NRXN3: variants seen among roughly 807,000 people sequenced by gnomAD.
NRXN3 encodes the protein neurexin 3, also known as neurexin III.
A neutral mutation model predicts 137.6 loss-of-function variants in NRXN3; 32 were observed. The ratio of observed to expected loss-of-function variants is 0.23; its 90% CI spans 0.18 to 0.31. NRXN3 has a LOEUF of 0.31. NRXN3 is among the 10% of genes least tolerant of loss of function. The pLI, the probability that NRXN3 is intolerant of heterozygous loss-of-function variation, is 1.00. For synonymous variants in NRXN3, 798 were observed against 784.5 expected (o/e 1.02, Z -0.29); for missense variants, 1,574 against 2,062.5 (o/e 0.76, Z 4.59).
chr14:79,791,310 C>T (rs1368697724), intron 19 of NRXN3: 1 of 151,862 alleles, frequency 6.6e-6, no homozygotes, highest in African/African-American at 2.4e-5. Context: ...TTATGATTGG[C>T]TCTAACTTCC....
Position 78,968,284 on chromosome 14 carries a change from G to C in NRXN3, c.3080G>C (p.Arg1027Pro), listed in dbSNP as rs368490229. 6.2e-7 allele frequency: 1 copy of C among 1,613,978 alleles called. No homozygotes were observed. The highest frequency in any genetic ancestry group is 1.1e-5 in the South Asian group (1 of 91,074). ...GCLASVDLNGRLPDLINDALH... is the reference protein window; with the variant it reads ...GCLASVDLNGPLPDLINDALH... ...CTAGCATCAGTGGACTTGAATGGAC[G>C]CCTGCCAGACCTCATCAATGATGCT... is the stretch of plus-strand genomic sequence containing the variant. Residue 1027 changes from arginine to proline, a missense_variant, in exon 14 of 21, where the codon CGC becomes CCC. Coordinates refer to ENST00000335750, the MANE Select transcript of NRXN3 (RefSeq NM_001330195.2).
chr14:78,414,123 T>A (rs550646134), intron 4 of NRXN3, among the ~76,000 whole-genome samples: 2 of 152,346 alleles, frequency 1.3e-5, no homozygotes, highest in East Asian at 3.9e-4. Context: ...ACCTTTTTCC[T>A]TTATAAATTA....
At chr14:78,778,261 A>G (rs2098751229) in intron 8 of NRXN3, among the ~76,000 whole-genome samples, 1 of 152,172 alleles carries the variant, frequency 6.6e-6, no homozygotes, top group Non-Finnish European at 1.5e-5. Context: ...TCTGCTTCTT[A>G]CATTCTCAAT....
chr14:79,842,219 TA>T (rs1320602332), intron 20 of NRXN3, among the ~76,000 whole-genome samples: 2 of 152,152 alleles, frequency 1.3e-5, no homozygotes. Context: ...GGGGGAGGAC[TA>T]AATGTAAATA....
At chr14:78,244,015 C>T (rs1403872629) in intron 2 of NRXN3, among the ~76,000 whole-genome samples, 1 of 152,196 alleles carries the variant, frequency 6.6e-6, no homozygotes, top group Non-Finnish European at 1.5e-5. Flanking sequence ...CCCCTGAACC[C>T]TGGGCTCTGT....
intron 8 of NRXN3, among the ~76,000 whole-genome samples, chr14:78,777,154 G>T (rs1362576957): frequency 6.6e-6 from 1 of 152,106 alleles, no homozygotes; most frequent in African/African-American, 2.4e-5. Context: ...TTATCTAGAA[G>T]ATCTTGCATG....
intron 15 of NRXN3, among the ~76,000 whole-genome samples, chr14:79,275,435 A>G (rs945115103): frequency 6.6e-6 from 1 of 152,128 alleles, no homozygotes; most frequent in Admixed American, 6.5e-5. Flanking sequence ...GCGAAGAACA[A>G]CTTGACAGGT....
chr14:78,536,702 C>T (rs2096539325), intron 4 of NRXN3, among the ~76,000 whole-genome samples: 1 of 152,036 alleles, frequency 6.6e-6, no homozygotes, highest in African/African-American at 2.4e-5. Flanking sequence ...TGGTTTGCTG[C>T]ACCCATCAAC....
chr14:79,343,973 T>A (rs2092743377), intron 15 of NRXN3, among the ~76,000 whole-genome samples: 1 of 152,116 alleles, frequency 6.6e-6, no homozygotes, highest in Admixed American at 6.5e-5. Flanking sequence ...GATAGCTGAT[T>A]TAGTTAGTGC....
intron 20 of NRXN3, among the ~76,000 whole-genome samples, chr14:79,841,583 G>A (rs895313214): frequency 6.6e-6 from 1 of 152,214 alleles, no homozygotes; most frequent in Non-Finnish European, 1.5e-5. Context: ...CAGGGCCACA[G>A]CAGGCAGAGA....
At chr14:79,277,623 C>T (rs2080500961) in intron 15 of NRXN3, among the ~76,000 whole-genome samples, 2 of 152,162 alleles carry the variant, frequency 1.3e-5, no homozygotes. Context: ...CCAACAACCT[C>T]GAGAGGGAGG....
At chr14:78,760,657 A>G (rs1259006589) in intron 8 of NRXN3, among the ~76,000 whole-genome samples, 2 of 151,868 alleles carry the variant, frequency 1.3e-5, no homozygotes, top group Admixed American at 6.6e-5. Context: ...ATTATCAGAA[A>G]TCGTCACTTC....
chr14:79,588,122 C>G (rs1203384378), intron 16 of NRXN3, among the ~76,000 whole-genome samples: 2 of 152,116 alleles, frequency 1.3e-5, no homozygotes, highest in African/African-American at 4.8e-5. Flanking sequence ...TTTGCCAATT[C>G]TATTATAGAA....
chr14:78,805,954 T>G (rs1216752089), intron 9 of NRXN3, among the ~76,000 whole-genome samples: 2 of 152,078 alleles, frequency 1.3e-5, no homozygotes. Context: ...CTTGAGTTGG[T>G]CATACATCCC....
At chr14:78,564,921 T>C (rs2096823623) in intron 4 of NRXN3, among the ~76,000 whole-genome samples, 1 of 152,196 alleles carries the variant, frequency 6.6e-6, no homozygotes, top group African/African-American at 2.4e-5. Flanking sequence ...CACTGAGCCT[T>C]TTCTGACCTC....
intron 16 of NRXN3, among the ~76,000 whole-genome samples, chr14:79,537,799 A>G (rs1397711721): frequency 6.6e-6 from 1 of 152,204 alleles, no homozygotes; most frequent in Admixed American, 6.5e-5. Context: ...TCCTTTGGGT[A>G]TATACCCACT....
intron 15 of NRXN3, among the ~76,000 whole-genome samples, chr14:79,270,146 T>A (rs774584604): frequency 7.9e-5 from 12 of 152,206 alleles, no homozygotes; most frequent in African/African-American, 1.2e-4. Context: ...ATATACTCCA[T>A]CCTCTTGCTT....
At chr14:78,760,055 T>G (rs1219297693) in intron 8 of NRXN3, among the ~76,000 whole-genome samples, 2 of 148,504 alleles carry the variant, frequency 1.3e-5, no homozygotes, top group Non-Finnish European at 3.0e-5. Context: ...TTTTTTTTTT[T>G]TTTGAGACGG....
chr14:79,074,675 A>C (rs1420192189), intron 15 of NRXN3: 1 of 152,240 alleles, frequency 6.6e-6, no homozygotes, highest in Non-Finnish European at 1.5e-5. Context: ...CAGTAGTTTG[A>C]AGGTGTTTGT....
Sources: gnomAD v4.1 joint callset for allele counts (sites outside exome capture counted in the v4.1 genomes callset) on GRCh38, gnomAD v4.1.1 for gene constraint, MANE v1.5 for transcripts, NCBI Gene and HGNC (gene_info 2026-07-23, HGNC 2026-07-21) for gene names.